Variants in GPC5 observed in about 807,000 individuals in gnomAD.
The protein encoded by GPC5 is glypican 5.
A neutral mutation model predicts 53.9 loss-of-function variants in GPC5; 47 were observed. The ratio of observed to expected loss-of-function variants is 0.87; its 90% CI spans 0.69 to 1.11. The LOEUF is 1.11. Among genes scored for constraint, GPC5 ranks in the 50% most tolerant of loss-of-function variants. The pLI is 0.00. For synonymous variants in GPC5, 286 were observed against 263.3 expected (o/e 1.09, Z -0.84); for missense variants, 748 against 713.1 (o/e 1.05, Z -0.56).
chr13:91,852,942 T>C (rs1218092333), intron 5 of GPC5, among the ~76,000 whole-genome samples: 1 of 152,132 alleles, frequency 6.6e-6, no homozygotes, highest in African/African-American at 2.4e-5. Flanking sequence ...GGCACCATTC[T>C]AGGCTTCAGA....
intron 2 of GPC5, among the ~76,000 whole-genome samples, chr13:91,551,826 A>G (rs2030658157): frequency 1.3e-5 from 2 of 152,188 alleles, no homozygotes; most frequent in South Asian, 4.1e-4. Flanking sequence ...TATGGTCAGG[A>G]TGTGGTGTTT....
At chr13:92,654,505 G>GA (rs36108862) in intron 7 of GPC5, among the ~76,000 whole-genome samples, 36,217 of 151,934 alleles carry the variant, frequency 0.24, 5,021 homozygotes, top group South Asian at 0.39. Context: ...CCATATATCA[G>GA]AAAAAATATA....
At chr13:91,758,287 T>C (rs1367663520) in intron 5 of GPC5, among the ~76,000 whole-genome samples, 3 of 152,136 alleles carry the variant, frequency 2.0e-5, no homozygotes, top group Non-Finnish European at 4.4e-5. Flanking sequence ...TTTGACATAG[T>C]ATTTTTTCAA....
intron 6 of GPC5, among the ~76,000 whole-genome samples, chr13:92,007,533 C>G (rs541333248): frequency 6.6e-6 from 1 of 152,154 alleles, no homozygotes. Context: ...AAGAGCTACT[C>G]CAGCATCCTT....
intron 7 of GPC5, among the ~76,000 whole-genome samples, chr13:92,166,404 A>G (rs2042028041): frequency 6.6e-6 from 1 of 152,218 alleles, no homozygotes; most frequent in Non-Finnish European, 1.5e-5. Flanking sequence ...CATTTCTCAA[A>G]TACTATGTTT....
chr13:92,146,811 T>C (rs2041870605), intron 7 of GPC5, among the ~76,000 whole-genome samples: 1 of 152,126 alleles, frequency 6.6e-6, no homozygotes, highest in Admixed American at 6.6e-5. Context: ...GTCTCCAATT[T>C]CATCTAGGTT....
At chr13:92,850,464 G>A (rs1156647892) in intron 7 of GPC5, among the ~76,000 whole-genome samples, 4 of 152,170 alleles carry the variant, frequency 2.6e-5, no homozygotes, top group African/African-American at 9.7e-5. Context: ...GCCGAGTGTG[G>A]TGGTGGGCAC....
chr13:92,489,434 G>A (rs1056584787), intron 7 of GPC5, among the ~76,000 whole-genome samples: 7 of 152,170 alleles, frequency 4.6e-5, no homozygotes, highest in African/African-American at 1.7e-4. Context: ...ATATTGATGA[G>A]ACACGTGGAG....
intron 7 of GPC5, among the ~76,000 whole-genome samples, chr13:92,678,022 T>C (rs993972026): frequency 3.3e-5 from 5 of 152,230 alleles, no homozygotes; most frequent in African/African-American, 1.2e-4. Context: ...AAGTTAATTA[T>C]AGTATAATTT....
intron 5 of GPC5, among the ~76,000 whole-genome samples, chr13:91,886,409 A>G (rs1478743461): frequency 1.3e-5 from 2 of 152,174 alleles, no homozygotes; most frequent in African/African-American, 4.8e-5. Flanking sequence ...TAGCCAAACC[A>G]TATCATTCTT....
intron 1 of GPC5, among the ~76,000 whole-genome samples, chr13:91,417,682 C>T (rs183641362): frequency 2.0e-5 from 3 of 152,182 alleles, no homozygotes; most frequent in Non-Finnish European, 4.4e-5. Flanking sequence ...GTTAGCTGTC[C>T]TTGGGACTGA....
chr13:92,838,778 A>G (rs181796018), intron 7 of GPC5, among the ~76,000 whole-genome samples: 1 of 152,214 alleles, frequency 6.6e-6, no homozygotes, highest in East Asian at 1.9e-4. Flanking sequence ...GCCTATTTTT[A>G]AAAATGCAAA....
At chr13:92,227,024 C>T (rs9560986) in intron 7 of GPC5, among the ~76,000 whole-genome samples, 35,382 of 152,088 alleles carry the variant, frequency 0.23, 4,347 homozygotes, top group African/African-American at 0.31. Flanking sequence ...AGTCAGTACA[C>T]TGAGACATTA....
intron 2 of GPC5, among the ~76,000 whole-genome samples, chr13:91,495,569 G>A (rs1884206146): frequency 6.6e-6 from 1 of 152,214 alleles, no homozygotes; most frequent in African/African-American, 2.4e-5. Flanking sequence ...GCAGGCTGCA[G>A]CTTCTGAGCT....
intron 7 of GPC5, among the ~76,000 whole-genome samples, chr13:92,175,153 G>A (rs933901057): frequency 1.3e-4 from 20 of 152,112 alleles, no homozygotes; most frequent in African/African-American, 4.6e-4. Context: ...GTGCCTGGCC[G>A]AACTTTGATT....
chr13:92,519,923 G>A (rs539832139), intron 7 of GPC5, among the ~76,000 whole-genome samples: 122 of 151,880 alleles, frequency 8.0e-4, no homozygotes, highest in Middle Eastern at 3.4e-3. Context: ...TCAAATAGAC[G>A]CAATAAAAAA....
chr13:92,312,860 T>C (rs551212142), intron 7 of GPC5, among the ~76,000 whole-genome samples: 5 of 152,344 alleles, frequency 3.3e-5, no homozygotes, highest in Non-Finnish European at 7.4e-5. Context: ...AAGCGATTTC[T>C]GAAATGTCAT....
At chr13:91,816,593 A>G (rs2038403790) in intron 5 of GPC5, among the ~76,000 whole-genome samples, 1 of 152,106 alleles carries the variant, frequency 6.6e-6, no homozygotes, top group African/African-American at 2.4e-5. Flanking sequence ...ATATTTTATT[A>G]CAATTTTTAT....
At chr13:92,595,390 A>C (rs1051039997) in intron 7 of GPC5, among the ~76,000 whole-genome samples, 1 of 152,220 alleles carries the variant, frequency 6.6e-6, no homozygotes, top group African/African-American at 2.4e-5. Flanking sequence ...TTATATTGTC[A>C]TAAACAATGT....
Sources: gnomAD v4.1 joint callset for allele counts (sites outside exome capture counted in the v4.1 genomes callset) on GRCh38, gnomAD v4.1.1 for gene constraint, MANE v1.5 for transcripts, NCBI Gene and HGNC (gene_info 2026-07-23, HGNC 2026-07-21) for gene names.